The following SYTL3 variants were observed in gnomAD, a reference collection of about 807,000 sequenced individuals.
SYTL3 encodes the protein synaptotagmin like 3.
In SYTL3, 88 loss-of-function variants were observed where a neutral mutation model predicts 82.1. That is an observed-to-expected ratio of 1.07 (90% confidence interval 0.90 to 1.28). The LOEUF (loss-of-function observed/expected upper bound fraction) is 1.28. Ranked by LOEUF, SYTL3 falls within the 50% of genes most tolerant of loss-of-function variation. The pLI is 0.00. For missense variants in SYTL3, 831 were observed against 757.6 expected, an observed-to-expected ratio of 1.10 and a Z score of -1.14; for synonymous variants, 311 against 289.4, an observed-to-expected ratio of 1.07 and a Z score of -0.76.
rs148542558 is a variant in SYTL3, at chr6:158,730,293, G to A, written c.855+4656G>A. On this transcript the variant is annotated intron_variant, in intron 11 of 17. Transcript: ENST00000611299. ...AGCAGCGGGGACAAGCTGCGTAAAG[G>A]ATAAAAATTGCTTCCCTCCATTGTT... Among the ~76,000 whole-genome samples the A allele has an allele frequency of 4.3e-3, 654 of 152,324 alleles. 4 individuals are homozygous for A. The highest frequency in any genetic ancestry group is 0.015 in the African/African-American group (612 of 41,570).
chr6:158,670,268 A>G (rs1777216703), intron 5 of SYTL3, among the ~76,000 whole-genome samples: 2 of 152,220 alleles, frequency 1.3e-5, no homozygotes, highest in South Asian at 4.1e-4. Context: ...AGAATGGGAT[A>G]ATTCACTCTC....
intron 11 of SYTL3, among the ~76,000 whole-genome samples, chr6:158,744,309 T>TC (rs1787333150): frequency 7.2e-6 from 1 of 138,512 alleles, no homozygotes; most frequent in African/African-American, 2.7e-5. Context: ...TCTTTCTTTT[T>TC]TTTTTTTTTT....
At chr6:158,741,784 C>T (rs1398900393) in intron 11 of SYTL3, among the ~76,000 whole-genome samples, 10 of 152,220 alleles carry the variant, frequency 6.6e-5, no homozygotes, top group Non-Finnish European at 1.5e-4. Context: ...TTTCACTCAG[C>T]TCATGAGGCA....
chr6:158,716,055 A>T (rs1259991158), intron 9 of SYTL3, among the ~76,000 whole-genome samples: 1 of 152,146 alleles, frequency 6.6e-6, no homozygotes, highest in Non-Finnish European at 1.5e-5. Context: ...GTGACCCAGA[A>T]TTACAACCTC....
chr6:158,724,564 G>A (rs1784488145), intron 10 of SYTL3, among the ~76,000 whole-genome samples: 1 of 152,212 alleles, frequency 6.6e-6, no homozygotes, highest in African/African-American at 2.4e-5. Context: ...CTTTATGTGA[G>A]CTGTCCACAC....
intron 9 of SYTL3, among the ~76,000 whole-genome samples, chr6:158,714,095 G>A (rs1783065920): frequency 6.6e-6 from 1 of 152,340 alleles, no homozygotes; most frequent in South Asian, 2.1e-4. Context: ...GCTCAGACCT[G>A]TAATCCAAGC....
At chr6:158,739,395 A>G (rs550963914) in intron 11 of SYTL3, among the ~76,000 whole-genome samples, 1 of 152,192 alleles carries the variant, frequency 6.6e-6, no homozygotes, top group South Asian at 2.1e-4. Flanking sequence ...TGATGTACCT[A>G]TGTATAGTTT....
In SYTL3 at chr6:158,693,844, C is replaced by CTTTTACCT; in HGVS notation, c.394+10859_394+10860insACCTTTTT. ...AGGTGTGCCACTGCATCCAGCCTTT[C>CTTTTACCT]TTTTTCTTTTCTTTTTTTTTTTTTT... On this transcript the variant is annotated intron_variant, in intron 6 of 17. Coordinates refer to ENST00000611299, the MANE Select transcript of SYTL3 (RefSeq NM_001242394.2). Among the ~76,000 whole-genome samples, 2 of 55,618 alleles carry CTTTTACCT rather than the reference C, an allele frequency of 3.6e-5. 1 individual carries two copies. Among genetic ancestry groups the CTTTTACCT allele is most frequent in the South Asian group, 1.1e-3 (2 of 1,740 alleles). The allele number at this position is 55,618 out of a possible 152,430, so 36.5% of individuals were successfully genotyped here. A position where few individuals can be genotyped will look rare whatever the true frequency, so the allele number is the denominator to read the frequency against.
chr6:158,702,806 T>C (rs1027871865), intron 6 of SYTL3, among the ~76,000 whole-genome samples: 2 of 151,984 alleles, frequency 1.3e-5, no homozygotes, highest in Non-Finnish European at 2.9e-5. Context: ...TTGTCACTTG[T>C]AGACGTTGTG....
At chr6:158,678,123 C>T (rs1778269271) in intron 5 of SYTL3, among the ~76,000 whole-genome samples, 1 of 152,176 alleles carries the variant, frequency 6.6e-6, no homozygotes, top group African/African-American at 2.4e-5. Context: ...GCAATCCTCT[C>T]GCCTCGGCCT....
At chr6:158,677,980 C>A (rs988687582) in intron 5 of SYTL3, among the ~76,000 whole-genome samples, 1 of 152,118 alleles carries the variant, frequency 6.6e-6, no homozygotes, top group Non-Finnish European at 1.5e-5. Flanking sequence ...AATTCCACCT[C>A]CTGGGCTCAA....
chr6:158,675,628 A>T (rs1205237316), intron 5 of SYTL3, among the ~76,000 whole-genome samples: 1 of 152,138 alleles, frequency 6.6e-6, no homozygotes, highest in Admixed American at 6.5e-5. Context: ...AGCCTGGCTG[A>T]CATGATGCAA....
At chr6:158,668,876 G>GAGA (rs1777042429) in intron 5 of SYTL3, among the ~76,000 whole-genome samples, 1 of 152,142 alleles carries the variant, frequency 6.6e-6, no homozygotes, top group South Asian at 2.1e-4. Context: ...CGGGGCATCC[G>GAGA]AGAACCGAAG....
At chr6:158,663,840 T>C (rs982358170) in intron 4 of SYTL3, among the ~76,000 whole-genome samples, 1 of 152,106 alleles carries the variant, frequency 6.6e-6, no homozygotes, top group Non-Finnish European at 1.5e-5. Flanking sequence ...CCTGTCTTTT[T>C]TTCTTTGCTC....
intron 5 of SYTL3, among the ~76,000 whole-genome samples, chr6:158,669,590 A>G (rs1197345361): frequency 6.6e-6 from 1 of 152,226 alleles, no homozygotes; most frequent in Non-Finnish European, 1.5e-5. Flanking sequence ...TGTTGATTTC[A>G]GGGTACTTTC....
At chr6:158,686,458 G>A (rs1779301603) in intron 6 of SYTL3, among the ~76,000 whole-genome samples, 1 of 152,158 alleles carries the variant, frequency 6.6e-6, no homozygotes, top group African/African-American at 2.4e-5. Flanking sequence ...GGAACTATGG[G>A]GGAAAATGCC....
chr6:158,654,777 T>A (rs1310904452), intron 2 of SYTL3, among the ~76,000 whole-genome samples: 1 of 152,170 alleles, frequency 6.6e-6, no homozygotes, highest in Non-Finnish European at 1.5e-5. Flanking sequence ...GCCCAGACTG[T>A]CTGGCTCCAA....
At chr6:158,720,882 G>A (rs753870467) in intron 10 of SYTL3, among the ~76,000 whole-genome samples, 14 of 152,160 alleles carry the variant, frequency 9.2e-5, no homozygotes, top group Admixed American at 2.0e-4. Context: ...CATTTGCACC[G>A]TGATGTGCTG....
At chr6:158,704,572 C>T (rs1176320216) in intron 6 of SYTL3, among the ~76,000 whole-genome samples, 1 of 152,220 alleles carries the variant, frequency 6.6e-6, no homozygotes, top group African/African-American at 2.4e-5. Flanking sequence ...GCCGGCCTCA[C>T]CGGGTAGGCA....
Sources: allele counts gnomAD v4.1 joint callset (sites outside exome capture counted in the v4.1 genomes callset), GRCh38; gene constraint gnomAD v4.1.1; transcripts MANE v1.5; gene names NCBI Gene and HGNC (gene_info 2026-07-23, HGNC 2026-07-21).